The following GRIK4 variants were observed in gnomAD, a reference collection of about 807,000 sequenced individuals.
GRIK4 encodes the protein glutamate ionotropic receptor kainate type subunit 4, also known as glutamate receptor ionotropic, kainate 4.
GRIK4 carries 40 observed loss-of-function variants against 104.9 expected under a neutral mutation model. The observed-to-expected ratio is 0.38, with a 90% CI of 0.30 to 0.50. The LOEUF is 0.50. Among genes scored for constraint, GRIK4 ranks in the 20% least tolerant of loss-of-function variants. GRIK4 has a pLI of 0.93. For synonymous variants in GRIK4, 485 were observed against 524.9 expected, an observed-to-expected ratio of 0.92 and a Z score of 1.04; for missense variants, 1,047 against 1,308.1, an observed-to-expected ratio of 0.80 and a Z score of 3.08.
chr11:120,692,627 T>C (rs560396116), intron 3 of GRIK4, among the ~76,000 whole-genome samples: 31 of 152,260 alleles, frequency 2.0e-4, no homozygotes, highest in African/African-American at 6.5e-4. Flanking sequence ...GGAGGAGAGT[T>C]ACAAGGAGGA....
chr11:120,847,517 A>C (rs1051912368), intron 8 of GRIK4, among the ~76,000 whole-genome samples: 1 of 152,216 alleles, frequency 6.6e-6, no homozygotes, highest in African/African-American at 2.4e-5. Context: ...TTGGAGAATC[A>C]ATGGGAGTTA....
chr11:120,622,645 A>G (rs1232866370), intron 1 of GRIK4, among the ~76,000 whole-genome samples: 1 of 152,186 alleles, frequency 6.6e-6, no homozygotes, highest in East Asian at 1.9e-4. Context: ...AAATGACCGG[A>G]AGCCAAGTGG....
At chr11:120,947,696 T>C (rs1208653200) in intron 14 of GRIK4, among the ~76,000 whole-genome samples, 1 of 152,216 alleles carries the variant, frequency 6.6e-6, no homozygotes, top group Admixed American at 6.5e-5. Context: ...ATTTATTGAG[T>C]GCCTCTCTCT....
intron 3 of GRIK4, among the ~76,000 whole-genome samples, chr11:120,686,652 T>C (rs979642558): frequency 6.6e-6 from 1 of 152,222 alleles, no homozygotes; most frequent in African/African-American, 2.4e-5. Flanking sequence ...ATGTGGAGAA[T>C]CCAAATAACA....
chr11:120,925,689 C>T (rs546207020), intron 13 of GRIK4, among the ~76,000 whole-genome samples: 4 of 152,042 alleles, frequency 2.6e-5, no homozygotes, highest in Admixed American at 6.5e-5. Context: ...ATGAGCATAT[C>T]GGCCAGGCGC....
intron 3 of GRIK4, among the ~76,000 whole-genome samples, chr11:120,780,733 T>C (rs1459612384): frequency 2.6e-5 from 4 of 152,060 alleles, no homozygotes; most frequent in Non-Finnish European, 2.9e-5. Context: ...TGTTTGTTTG[T>C]TTGTTGTTTT....
rs1391045306 is a variant in GRIK4 at position 120,767,282 on chromosome 11, A to G, written c.83-35411A>G. On this transcript the variant is annotated intron_variant, in intron 3 of 20. Transcript: ENST00000527524. ...AAGTGAAATCGTGGTTTTAATTTGT[A>G]TTTCCCTGAGGATAAGTGATCTTGA... Among the ~76,000 whole-genome samples, 3 of 152,094 alleles carry G rather than the reference A, an allele frequency of 2.0e-5. No homozygotes were observed. The East Asian group carries it at 5.8e-4, about 29-fold the overall frequency.
At chr11:120,768,988 G>A (rs1033543445) in intron 3 of GRIK4, among the ~76,000 whole-genome samples, 4 of 152,122 alleles carry the variant, frequency 2.6e-5, no homozygotes, top group African/African-American at 7.2e-5. Flanking sequence ...TAGAGATATT[G>A]GCCTGTAGTT....
In GRIK4 at chr11:120,723,001, G is replaced by A. The variant is rs181675039; in HGVS notation, c.82+62601G>A. Among the ~76,000 whole-genome samples the A allele has an allele frequency of 2.5e-3, 379 of 152,298 alleles. 1 individual carries two copies. Among genetic ancestry groups the A allele is most frequent in the African/African-American group, 8.6e-3 (357 of 41,558 alleles). ...ATTCCTCATCCGTAAATGGTGCTTC[G>A]TAGCAGAAGCATATGTGAAGTTTAA... On this transcript the variant is annotated intron_variant, in intron 3 of 20. Coordinates refer to ENST00000527524, the MANE Select transcript of GRIK4 (RefSeq NM_014619.5).
At chr11:120,839,577 A>G (rs1292945778) in intron 8 of GRIK4, among the ~76,000 whole-genome samples, 2 of 152,230 alleles carry the variant, frequency 1.3e-5, no homozygotes, top group Admixed American at 6.5e-5. Flanking sequence ...TGAATGGAAG[A>G]TGCTTATTTT....
At chr11:120,514,928 G>T (rs1048563894) in intron 1 of GRIK4, 1 of 455,820 alleles carries the variant, frequency 2.2e-6, no homozygotes, top group East Asian at 7.0e-5. Context: ...AAGCTTCCTT[G>T]TTGGGCCTCC....
intron 1 of GRIK4, among the ~76,000 whole-genome samples, chr11:120,592,387 A>G (rs917349102): frequency 6.6e-6 from 1 of 152,132 alleles, no homozygotes; most frequent in East Asian, 1.9e-4. Flanking sequence ...CCCCTACGTG[A>G]TTGTACCTGT....
intron 1 of GRIK4, among the ~76,000 whole-genome samples, chr11:120,606,521 C>T (rs1220801433): frequency 6.6e-6 from 1 of 152,252 alleles, no homozygotes; most frequent in Non-Finnish European, 1.5e-5. Context: ...TGTCCTCCCA[C>T]AGGCCTGTGA....
intron 3 of GRIK4, among the ~76,000 whole-genome samples, chr11:120,725,303 G>T (rs892674908): frequency 6.6e-6 from 1 of 152,198 alleles, no homozygotes; most frequent in Admixed American, 6.5e-5. Flanking sequence ...AAATGTTCAT[G>T]TTCCAGAACT....
chr11:120,886,655 G>C (rs1024610268), intron 11 of GRIK4, among the ~76,000 whole-genome samples: 2 of 152,156 alleles, frequency 1.3e-5, no homozygotes, highest in African/African-American at 2.4e-5. Context: ...CAACTTTATA[G>C]AACAGAACTA....
intron 8 of GRIK4, among the ~76,000 whole-genome samples, chr11:120,857,585 G>T (rs1954141866): frequency 6.6e-6 from 1 of 151,772 alleles, no homozygotes; most frequent in Admixed American, 6.6e-5. Flanking sequence ...AAGCTGTCAG[G>T]ATTTAAAAAA....
chr11:120,525,051 C>T (rs1241993339), intron 1 of GRIK4, among the ~76,000 whole-genome samples: 1 of 152,168 alleles, frequency 6.6e-6, no homozygotes, highest in African/African-American at 2.4e-5. Flanking sequence ...TTACCCTTCT[C>T]AGTGGATCCA....
chr11:120,895,961 G>C (rs1392108409), intron 11 of GRIK4, among the ~76,000 whole-genome samples: 1 of 152,164 alleles, frequency 6.6e-6, no homozygotes, highest in Non-Finnish European at 1.5e-5. Context: ...AGAGACAATA[G>C]GAGCTCCCAA....
chr11:120,821,652 G>T (rs576595344), intron 6 of GRIK4, among the ~76,000 whole-genome samples: 2 of 152,218 alleles, frequency 1.3e-5, no homozygotes, highest in Non-Finnish European at 2.9e-5. Context: ...GACCCAAGGA[G>T]CTGGGGACCC....
Sources: gnomAD v4.1 joint callset for allele counts (sites outside exome capture counted in the v4.1 genomes callset) on GRCh38, gnomAD v4.1.1 for gene constraint, MANE v1.5 for transcripts, NCBI Gene and HGNC (gene_info 2026-07-23, HGNC 2026-07-21) for gene names.